The following DNAH9 variants were observed in gnomAD, a reference collection of about 807,000 sequenced individuals.
DNAH9 encodes the protein dynein axonemal heavy chain 9.
A neutral mutation model predicts 471.6 loss-of-function variants in DNAH9; 345 were observed. The ratio of observed to expected loss-of-function variants is 0.73; its 90% CI spans 0.67 to 0.80. The LOEUF (loss-of-function observed/expected upper bound fraction) is 0.80. Among genes scored for constraint, DNAH9 ranks in the 30% least tolerant of loss-of-function variants. DNAH9 has a pLI of 0.00. For missense variants in DNAH9, 5,407 were observed against 5,609.2 expected, an observed-to-expected ratio of 0.96 and a Z score of 1.15; for synonymous variants, 2,093 against 2,123.6, an observed-to-expected ratio of 0.99 and a Z score of 0.40.
intron 38 of DNAH9, among the ~76,000 whole-genome samples, chr17:11,774,010 C>T (rs1415846359): frequency 6.6e-6 from 1 of 151,954 alleles, no homozygotes; most frequent in East Asian, 1.9e-4. Flanking sequence ...GTGGTGCGTG[C>T]CTGTAGTCCC....
At chr17:11,862,277 A>C (rs1486751026) in intron 50 of DNAH9, among the ~76,000 whole-genome samples, 1 of 122,598 alleles carries the variant, frequency 8.2e-6, no homozygotes, top group African/African-American at 3.1e-5. Context: ...TAAATAGGGA[A>C]TCCTTTCCCC....
intron 61 of DNAH9, among the ~76,000 whole-genome samples, chr17:11,920,356 C>G (rs1974097764): frequency 6.6e-6 from 1 of 151,686 alleles, no homozygotes; most frequent in African/African-American, 2.4e-5. Flanking sequence ...CACAGTGGCT[C>G]ATGCCTGTAA....
intron 27 of DNAH9, among the ~76,000 whole-genome samples, chr17:11,724,975 T>G (rs992927796): frequency 1.2e-4 from 19 of 152,288 alleles, no homozygotes; most frequent in African/African-American, 4.1e-4. Context: ...TCATCAGGCA[T>G]TAGATTCTCA....
rs147874499 is a variant in DNAH9 at position 11,730,544 on chromosome 17, A to G, written c.5814+2622A>G. On this transcript the variant is annotated intron_variant, in intron 28 of 68. Coordinates refer to ENST00000262442, the MANE Select transcript of DNAH9 (RefSeq NM_001372.4). The stretch of plus-strand genomic sequence containing the variant: ...GAATAAGGAATAATGCCAGTGTTCA[A>G]TGCTGTCTCAGCCACTTACTAGCTG... 4.6e-3 allele frequency among the ~76,000 whole-genome samples: 703 copies of G among 152,314 alleles called. 5 individuals carry two copies. The highest frequency in any genetic ancestry group is 0.011 in the South Asian group (51 of 4,816).
intron 44 of DNAH9, among the ~76,000 whole-genome samples, chr17:11,808,722 G>A (rs1220454841): frequency 1.3e-5 from 2 of 152,176 alleles, no homozygotes; most frequent in African/African-American, 4.8e-5. Flanking sequence ...CTGAGACTGT[G>A]GGTCTCAACT....
intron 27 of DNAH9, among the ~76,000 whole-genome samples, chr17:11,724,628 T>A (rs1269347022): frequency 6.6e-6 from 1 of 152,208 alleles, no homozygotes; most frequent in East Asian, 1.9e-4. Flanking sequence ...TGAATAAACA[T>A]GGATGTTGAT....
chr17:11,620,892 A>G (rs1433693201), intron 6 of DNAH9, among the ~76,000 whole-genome samples: 1 of 152,180 alleles, frequency 6.6e-6, no homozygotes, highest in African/African-American at 2.4e-5. Context: ...TCTTTCCCTC[A>G]ATTATTTAAA....
At chr17:11,881,726 G>T (rs970901802) in intron 55 of DNAH9, among the ~76,000 whole-genome samples, 1 of 152,084 alleles carries the variant, frequency 6.6e-6, no homozygotes, top group African/African-American at 2.4e-5. Flanking sequence ...GGCCAACATG[G>T]TGAAACCCCA....
chr17:11,865,937 G>A (rs1972036612), intron 50 of DNAH9, among the ~76,000 whole-genome samples: 1 of 152,108 alleles, frequency 6.6e-6, no homozygotes, highest in Non-Finnish European at 1.5e-5. Flanking sequence ...TTGTTTCAAA[G>A]TTTTTAACTT....
intron 36 of DNAH9, among the ~76,000 whole-genome samples, chr17:11,767,304 G>T (rs928165480): frequency 2.6e-5 from 4 of 152,148 alleles, no homozygotes; most frequent in African/African-American, 9.7e-5. Context: ...AAGAATGGGG[G>T]TTTCCTCTAG....
rs2072642112 is a variant in DNAH9, at chr17:11,611,740, C to T, written c.864C>T (p.Tyr288=). The T allele has an allele frequency of 5.6e-6, 9 of 1,614,134 alleles. No individual in the cohort carries two copies. The highest frequency in any genetic ancestry group is 7.6e-6 in the Non-Finnish European group (9 of 1,179,952). The change falls in exon 4 of 69, where the codon TAC becomes TAT. Residue 288 remains tyrosine (Y), a synonymous_variant. Coordinates refer to ENST00000262442, the MANE Select transcript of DNAH9 (RefSeq NM_001372.4). ...TCCTGGACAAGCTTCAGAGTAGCTACTTTCCAGCTTTCAAAGCCATGTACA... is the reference window on the plus strand; with the variant it reads ...TCCTGGACAAGCTTCAGAGTAGCTATTTTCCAGCTTTCAAAGCCATGTACA... ...AKLLDKLQSS[Y]FPAFKAMYRD... is the part of the protein sequence containing the mutation.
intron 48 of DNAH9, among the ~76,000 whole-genome samples, chr17:11,833,778 G>C (rs1263289132): frequency 1.3e-5 from 2 of 152,108 alleles, no homozygotes; most frequent in Non-Finnish European, 2.9e-5. Context: ...TTCAGATTAT[G>C]GATCAGAGGT....
chr17:11,885,903 A>C (rs1972863178), intron 56 of DNAH9, among the ~76,000 whole-genome samples: 1 of 152,226 alleles, frequency 6.6e-6, no homozygotes, highest in Non-Finnish European at 1.5e-5. Context: ...CCCACAAATT[A>C]TCAGTAACTT....
Position 11,784,483 on chromosome 17 carries a change from A to T in DNAH9, c.8005A>T (p.Thr2669Ser). 1 of 1,614,140 alleles carries T rather than the reference A, an allele frequency of 6.2e-7. No individual in the cohort carries two copies. ...HQKIATTFLP[T>S]GIKFHYIFNL... ...GAAAATTGCTACCACCTTCCTACCCACAGGAATCAAATTCCACTACATCTT... is the reference window on the plus strand; with the variant it reads ...GAAAATTGCTACCACCTTCCTACCCTCAGGAATCAAATTCCACTACATCTT... The change falls in exon 41 of 69, where the codon ACA becomes TCA. Residue 2669 changes from threonine to serine, a missense_variant. Coordinates refer to ENST00000262442, the MANE Select transcript of DNAH9 (RefSeq NM_001372.4).
chr17:11,632,956 A>G (rs1305737860), intron 8 of DNAH9, among the ~76,000 whole-genome samples: 2 of 152,154 alleles, frequency 1.3e-5, no homozygotes, highest in African/African-American at 4.8e-5. Flanking sequence ...TTCTGCGGTG[A>G]TCTCTTTAGG....
intron 38 of DNAH9, 25 bp from the exon 39 acceptor site, chr17:11,780,984 C>T: frequency 6.2e-7 from 1 of 1,608,544 alleles, no homozygotes; most frequent in Non-Finnish European, 8.5e-7. Flanking sequence ...AGCCGCCTTC[C>T]CTCACCGACT....
chr17:11,640,453 G>A (rs1008674725), intron 10 of DNAH9, 69 bp downstream of exon 10: 7 of 1,058,812 alleles, frequency 6.6e-6, no homozygotes, highest in Non-Finnish European at 1.0e-5. Flanking sequence ...TCTGAGTGTT[G>A]TAGAAATGCA....
chr17:11,614,234 C>T (rs2191071), intron 4 of DNAH9, among the ~76,000 whole-genome samples: 151,099 of 152,266 alleles, frequency 0.99, 74,979 homozygotes, highest in East Asian at 1. Flanking sequence ...TAAATAGATA[C>T]ACTATGTGCA....
In DNAH9 at chr17:11,611,046, T is replaced by C. The variant is rs923557774; in HGVS notation, c.773+492T>C. Among the ~76,000 whole-genome samples the C allele has an allele frequency of 9.3e-5, 14 of 150,992 alleles. 1 individual carries two copies. The highest frequency in any genetic ancestry group is 2.9e-4 in the African/African-American group (12 of 40,890). ...GTGTTTGTCCAGAAAGGCTTCATTA[T>C]TGCTCCTGCTCCTGCTCCTGCTCCT... On this transcript the variant is annotated intron_variant, in intron 3 of 68. Coordinates refer to ENST00000262442, the MANE Select transcript of DNAH9 (RefSeq NM_001372.4).
Sources: gnomAD v4.1 joint callset for allele counts (sites outside exome capture counted in the v4.1 genomes callset) on GRCh38, gnomAD v4.1.1 for gene constraint, MANE v1.5 for transcripts, NCBI Gene and HGNC (gene_info 2026-07-23, HGNC 2026-07-21) for gene names.